The following GPHN variants were observed in gnomAD, a reference collection of about 807,000 sequenced individuals.
The protein encoded by GPHN is gephyrin.
GPHN carries 17 observed loss-of-function variants against 95.5 expected under a neutral mutation model. That is an observed-to-expected ratio of 0.18 (90% CI 0.12 to 0.27). GPHN has a LOEUF of 0.27. Ranked by LOEUF, GPHN falls within the 10% of genes least tolerant of loss-of-function variation. The pLI is 1.00. For missense variants in GPHN, 660 were observed against 978.1 expected (o/e 0.67, Z 4.34); for synonymous variants, 320 against 322.5 (o/e 0.99, Z 0.08).
At chr14:67,101,148 C>T (rs1440442780) in intron 13 of GPHN, among the ~76,000 whole-genome samples, 1 of 151,994 alleles carries the variant, frequency 6.6e-6, no homozygotes, top group Non-Finnish European at 1.5e-5. Context: ...ACATGCCTTA[C>T]AAGCATTTTC....
At chr14:67,255,021 C>T in the GPHN span, among the ~76,000 whole-genome samples, 56 of 152,056 alleles carry the variant, frequency 3.7e-4, no homozygotes, top group African/African-American at 1.3e-3. Flanking sequence ...TGGTGGCGCA[C>T]GCCTGTAGTC....
chr14:67,583,499 G>A, the GPHN span, among the ~76,000 whole-genome samples: 2 of 152,186 alleles, frequency 1.3e-5, no homozygotes, highest in South Asian at 4.1e-4. Flanking sequence ...TTTGGAAAAG[G>A]CACTTCACCT....
the GPHN span, among the ~76,000 whole-genome samples, chr14:67,657,739 TTTTC>T: frequency 1.7e-4 from 25 of 145,990 alleles, no homozygotes; most frequent in South Asian, 8.7e-4. Flanking sequence ...GCAAGGAGCA[TTTTC>T]TTTCTTTCTT....
the GPHN span, chr14:67,301,331 A>G: frequency 9.4e-7 from 1 of 1,058,702 alleles, no homozygotes; most frequent in Non-Finnish European, 1.4e-6. Context: ...CCCTGCATAC[A>G]GGTGCTACTG....
At chr14:66,920,779 T>G (rs2066177035) in intron 6 of GPHN, among the ~76,000 whole-genome samples, 1 of 151,868 alleles carries the variant, frequency 6.6e-6, no homozygotes, top group African/African-American at 2.4e-5. Flanking sequence ...TCCCCAAAGT[T>G]CATTGTGTCA....
At chr14:67,045,404 C>G (rs1372063106) in intron 10 of GPHN, among the ~76,000 whole-genome samples, 4 of 151,980 alleles carry the variant, frequency 2.6e-5, no homozygotes, top group Admixed American at 6.6e-5. Context: ...CTGTCTCTCT[C>G]TCTGTGTCTC....
At chr14:67,000,957 A>G (rs1427144670) in intron 9 of GPHN, among the ~76,000 whole-genome samples, 2 of 151,654 alleles carry the variant, frequency 1.3e-5, no homozygotes, top group Non-Finnish European at 3.0e-5. Context: ...AGTTGGCACT[A>G]GCGAATTTCT....
intron 17 of GPHN, among the ~76,000 whole-genome samples, chr14:67,134,982 CAG>C (rs2079979861): frequency 6.8e-5 from 1 of 14,616 alleles, no homozygotes; most frequent in Non-Finnish European, 1.3e-4. Flanking sequence ...TTTTTTTTGA[CAG>C]AGTCTTACTC....
the GPHN span, among the ~76,000 whole-genome samples, chr14:67,325,609 G>A: frequency 6.6e-6 from 1 of 152,112 alleles, no homozygotes; most frequent in Admixed American, 6.5e-5. Context: ...TAACTACTTT[G>A]GTAGAACAGA....
chr14:66,726,245 AG>A (rs1286266171), intron 2 of GPHN, among the ~76,000 whole-genome samples: 4 of 152,206 alleles, frequency 2.6e-5, no homozygotes, highest in Admixed American at 1.3e-4. Context: ...GCTTTATTTC[AG>A]AAAAATGTGG....
At chr14:67,179,190 G>C (rs1449744043) in intron 21 of GPHN, among the ~76,000 whole-genome samples, 1 of 151,946 alleles carries the variant, frequency 6.6e-6, no homozygotes, top group East Asian at 1.9e-4. Context: ...TTCAAGACCA[G>C]CCTGAGCAAC....
intron 4 of GPHN, among the ~76,000 whole-genome samples, chr14:66,870,108 AGAAAATAAAAG>A (rs756117018): frequency 7.2e-5 from 11 of 152,228 alleles, no homozygotes; most frequent in South Asian, 6.2e-4. Flanking sequence ...TAAGAGGAAG[AGAAAATAAAAG>A]GAAAATAGAA....
chr14:67,306,121 C>T, the GPHN span, among the ~76,000 whole-genome samples: 1 of 152,122 alleles, frequency 6.6e-6, no homozygotes, highest in Admixed American at 6.6e-5. Context: ...AAGTGCATGC[C>T]ACCACATCCA....
chr14:67,693,399 A>T, the GPHN span, among the ~76,000 whole-genome samples: 58 of 152,252 alleles, frequency 3.8e-4, 1 homozygote, highest in East Asian at 0.011. Flanking sequence ...AAGAAGAAAT[A>T]ACTAGTTTCT....
intron 3 of GPHN, among the ~76,000 whole-genome samples, chr14:66,779,318 T>C (rs1157249387): frequency 1.3e-5 from 2 of 152,214 alleles, no homozygotes; most frequent in African/African-American, 2.4e-5. Flanking sequence ...GGAAATTGAA[T>C]AAATATTTTA....
At chr14:66,728,333 C>T (rs6573715) in intron 2 of GPHN, among the ~76,000 whole-genome samples, 47,268 of 151,946 alleles carry the variant, frequency 0.31, 11,160 homozygotes, top group African/African-American at 0.64. Context: ...TACTGGGGCA[C>T]GGCCTAGTGG....
chr14:67,716,709 C>A, the GPHN span, among the ~76,000 whole-genome samples: 1 of 152,056 alleles, frequency 6.6e-6, no homozygotes, highest in South Asian at 2.1e-4. Context: ...CATGGTGAAA[C>A]CCCATCTCTA....
At chr14:67,380,353 T>G in the GPHN span, among the ~76,000 whole-genome samples, 52 of 152,280 alleles carry the variant, frequency 3.4e-4, no homozygotes, top group East Asian at 9.9e-3. Flanking sequence ...AGATAGATTA[T>G]AAACTCCTTG....
chr14:66,925,690 T>A (rs1403511399), intron 8 of GPHN, among the ~76,000 whole-genome samples: 1 of 152,180 alleles, frequency 6.6e-6, no homozygotes, highest in Non-Finnish European at 1.5e-5. Context: ...GACACTCAGG[T>A]TGATAATGCT....
Sources: gnomAD v4.1 joint callset for allele counts (sites outside exome capture counted in the v4.1 genomes callset) on GRCh38, gnomAD v4.1.1 for gene constraint, MANE v1.5 for transcripts, NCBI Gene and HGNC (gene_info 2026-07-23, HGNC 2026-07-21) for gene names.